Variants in SLC2A3 observed in about 807,000 individuals in gnomAD.
SLC2A3 encodes the protein solute carrier family 2 member 3, also known as solute carrier family 2, facilitated glucose transporter member 3.
SLC2A3 carries 21 observed loss-of-function variants against 46.4 expected under a neutral mutation model. That is an observed-to-expected ratio of 0.45 (90% confidence interval 0.32 to 0.65). The LOEUF is 0.65. Among genes scored for constraint, SLC2A3 ranks in the 30% least tolerant of loss-of-function variants. SLC2A3 has a pLI of 0.04. For synonymous variants in SLC2A3, 213 were observed against 239.4 expected (o/e 0.89, Z 1.02); for missense variants, 499 against 623.3 (o/e 0.80, Z 2.12).
Position 7,933,723 on chromosome 12 carries a change from C to T in SLC2A3, c.108+87G>A, listed in dbSNP as rs1224251058. The T allele has an allele frequency of 2.8e-6, 4 of 1,427,822 alleles. No homozygotes were observed. The African/African-American group carries it at 4.2e-5, about 15-fold the overall frequency. The allele number at this position is 1,427,822 out of a possible 1,614,324, so 88.4% of individuals were successfully genotyped here. A position where few individuals can be genotyped will look rare whatever the true frequency, so the allele number is the denominator to read the frequency against. On this transcript the variant is annotated intron_variant, in intron 2 of 9. Coordinates refer to ENST00000075120, the MANE Select transcript of SLC2A3 (RefSeq NM_006931.3). ...GGACTCCAGGCAGATGCCACCATGC[C>T]TGGCCTTAAATTCTGAATTCCTGAA... is the stretch of plus-strand genomic sequence containing the variant.
rs781771183 is a variant in SLC2A3, at chr12:7,921,617, G to A, written c.1287C>T (p.Ala429=). ...AGCCGGTGAAGATAATAAAAACGTAGGCTCCTAAATAGTGCTAGAGAAAGG... is the reference window on the plus strand; with the variant it reads ...AGCCGGTGAAGATAATAAAAACGTAAGCTCCTAAATAGTGCTAGAGAAAGG... The part of the protein sequence containing the change: ...LFPSAAHYLG[A]YVFIIFTGFL... The change falls in exon 10 of 10, where the codon GCC becomes GCT. Residue 429 remains alanine (A), a synonymous_variant. Transcript: ENST00000075120. 10 of 1,613,646 alleles carry A rather than the reference G, an allele frequency of 6.2e-6. No individual in the cohort carries two copies. Among genetic ancestry groups the A allele is most frequent in the East Asian group, 2.2e-5 (1 of 44,896 alleles).
chr12:7,931,047 C>G (rs946378484), intron 4 of SLC2A3, among the ~76,000 whole-genome samples, 198 bp downstream of exon 4: 7 of 152,082 alleles, frequency 4.6e-5, no homozygotes, highest in African/African-American at 1.4e-4. Context: ...CTGCCCACCT[C>G]GGCCTCCCAA....
rs1215671867 is a variant in SLC2A3, at chr12:7,920,370, G to C, written c.*1043C>G. On this transcript the variant is annotated 3_prime_UTR_variant, in exon 10 of 10. Transcript: ENST00000075120. Reference sequence around the variant, plus strand: ...AAAAGTAATGAGACTACTACAAGAAGGAGTTATTTCATCCAGTGAGGGGAA... The same window carrying C: ...AAAAGTAATGAGACTACTACAAGAACGAGTTATTTCATCCAGTGAGGGGAA... 6.6e-6 allele frequency: 1 copy of C among 151,988 alleles called. No homozygotes were observed. The highest frequency in any genetic ancestry group is 2.4e-5 in the African/African-American group (1 of 41,366). 9.4% of individuals were successfully genotyped at this position (151,988 alleles called of 1,614,324 possible).
At chr12:7,928,042 G>C (rs1338256010) in intron 6 of SLC2A3, among the ~76,000 whole-genome samples, 1 of 152,090 alleles carries the variant, frequency 6.6e-6, no homozygotes, top group Non-Finnish European at 1.5e-5. Context: ...GGAGATGGAG[G>C]TTGTGGTGAG....
At chr12:7,924,010 C>T (rs930228314) in intron 8 of SLC2A3, among the ~76,000 whole-genome samples, 2 of 151,934 alleles carry the variant, frequency 1.3e-5, no homozygotes, top group Non-Finnish European at 2.9e-5. Context: ...TCAGGTGATC[C>T]GCCTGCCTCA....
intron 3 of SLC2A3, among the ~76,000 whole-genome samples, 183 bp from the exon 4 acceptor site, chr12:7,931,668 G>A (rs1213805522): frequency 4.0e-5 from 6 of 151,520 alleles, no homozygotes; most frequent in Non-Finnish European, 7.4e-5. Context: ...GATGGTGCCC[G>A]CCTGTAGTCC....
intron 3 of SLC2A3, among the ~76,000 whole-genome samples, chr12:7,932,366 C>T (rs971770773): frequency 1.3e-5 from 2 of 151,988 alleles, no homozygotes; most frequent in African/African-American, 4.8e-5. Flanking sequence ...TTGGTAGAGA[C>T]AGGGTTTTGC....
chr12:7,929,362 C>T, intron 6 of SLC2A3: 1 of 290,114 alleles, frequency 3.4e-6, no homozygotes, highest in Non-Finnish European at 6.5e-6. Context: ...ATCTATCATG[C>T]CCTCTTTAAA....
chr12:7,930,707 A>G, intron 4 of SLC2A3, 65 bp from the exon 5 acceptor site: 1 of 1,494,426 alleles, frequency 6.7e-7, no homozygotes, highest in Non-Finnish European at 9.0e-7. Context: ...TCATTAAAAC[A>G]CAAAAAGTTC....
chr12:7,933,383 T>C, intron 2 of SLC2A3: 1 of 589,606 alleles, frequency 1.7e-6, no homozygotes, highest in African/African-American at 1.9e-5. Flanking sequence ...AGCCCTCTGC[T>C]AAGGGAACCC....
At chr12:7,930,394 T>C (rs1261112278) in intron 5 of SLC2A3, 86 bp downstream of exon 5, 2 of 1,323,624 alleles carry the variant, frequency 1.5e-6, no homozygotes, top group Non-Finnish European at 2.1e-6. Flanking sequence ...AGGGAAAGAG[T>C]GTAACAGAAA....
chr12:7,932,788 A>C (rs1309678077), intron 3 of SLC2A3, 199 bp downstream of exon 3: 5 of 667,988 alleles, frequency 7.5e-6, no homozygotes, highest in Non-Finnish European at 1.2e-5. Flanking sequence ...TCTCTTGCAC[A>C]GCTGGGTGGG....
intron 2 of SLC2A3, chr12:7,933,458 GGGA>G: frequency 2.1e-6 from 1 of 481,616 alleles, no homozygotes. Context: ...GTGAAAGAGT[GGGA>G]GGAAGAACAG....
intron 6 of SLC2A3, among the ~76,000 whole-genome samples, chr12:7,928,705 G>A (rs1052187661): frequency 4.6e-5 from 7 of 151,930 alleles, no homozygotes; most frequent in Admixed American, 1.3e-4. Context: ...GGAAAGTCTC[G>A]GGAGCACATT....
chr12:7,926,386 T>C (rs1436126688), intron 6 of SLC2A3, among the ~76,000 whole-genome samples: 1 of 152,168 alleles, frequency 6.6e-6, no homozygotes, highest in Non-Finnish European at 1.5e-5. Flanking sequence ...CCACCGCACC[T>C]GGCCCTCCTT....
intron 4 of SLC2A3, among the ~76,000 whole-genome samples, 153 bp from the exon 5 acceptor site, chr12:7,930,795 T>G (rs1319974628): frequency 2.3e-5 from 2 of 85,546 alleles, no homozygotes; most frequent in East Asian, 5.3e-4. Flanking sequence ...CAGCATGGTT[T>G]TTTTTTTTTT....
At chr12:7,928,138 G>A (rs1946114048) in intron 6 of SLC2A3, among the ~76,000 whole-genome samples, 1 of 151,528 alleles carries the variant, frequency 6.6e-6, no homozygotes, top group Non-Finnish European at 1.5e-5. Context: ...AGTGGCTCAC[G>A]CCTATAATCC....
chr12:7,919,767 A>G lies in SLC2A3; in HGVS notation c.*1646T>C, dbSNP rs771004797. The G allele has an allele frequency of 6.6e-5, 10 of 152,372 alleles. No individual in the cohort carries two copies. Among genetic ancestry groups the G allele is most frequent in the South Asian group, 4.1e-4 (2 of 4,828 alleles). The allele number at this position is 152,372 out of a possible 1,614,324, so 9.4% of individuals were successfully genotyped here. On this transcript the variant is annotated 3_prime_UTR_variant, in exon 10 of 10. Coordinates refer to ENST00000075120, the MANE Select transcript of SLC2A3 (RefSeq NM_006931.3). Reference sequence around the variant, plus strand: ...AGGAGCAGAGGGAACAGTGAGAACTAAGAACCAAAATACTGTCACTGACAA... The same window carrying G: ...AGGAGCAGAGGGAACAGTGAGAACTGAGAACCAAAATACTGTCACTGACAA...
In SLC2A3 at chr12:7,922,966, A is replaced by G; in HGVS notation, c.1127T>C (p.Phe376Ser). The G allele has an allele frequency of 6.2e-7, 1 of 1,614,110 alleles. No homozygotes were observed. The highest frequency in any genetic ancestry group is 1.1e-5 in the South Asian group (1 of 91,072). Residue 376 changes from phenylalanine to serine, a missense_variant, in exon 9 of 10, where the codon TTC becomes TCC. Transcript: ENST00000075120. ...AATGGGGCCTGGTCCAATTTCAAAG[A>G]AGGCTACAAAGACCAAGATAGCCCC... ...CIGAILVFVA[F>S]FEIGPGPIPW...
Sources: allele counts gnomAD v4.1 joint callset (sites outside exome capture counted in the v4.1 genomes callset), GRCh38; gene constraint gnomAD v4.1.1; transcripts MANE v1.5; gene names NCBI Gene and HGNC (gene_info 2026-07-23, HGNC 2026-07-21).